NEDD1: variants seen among roughly 807,000 people sequenced by gnomAD.
NEDD1 encodes NEDD1 gamma-tubulin ring complex targeting factor, also known as protein NEDD1.
In NEDD1, 33 loss-of-function variants were observed where a neutral mutation model predicts 74.0. The ratio of observed to expected loss-of-function variants is 0.45; its 90% CI spans 0.34 to 0.60. The LOEUF (loss-of-function observed/expected upper bound fraction) is 0.60, where lower values mean the gene tolerates loss of function less well. NEDD1 is among the 20% of genes least tolerant of loss of function. NEDD1 has a pLI of 0.01. For synonymous variants in NEDD1, 250 were observed against 264.4 expected (o/e 0.95, Z 0.53); for missense variants, 746 against 776.5 (o/e 0.96, Z 0.47).
intron 11 of NEDD1, among the ~76,000 whole-genome samples, chr12:96,943,345 AT>A (rs1260393165): frequency 1.3e-5 from 2 of 152,158 alleles, no homozygotes; most frequent in Non-Finnish European, 2.9e-5. Context: ...GGATATCATC[AT>A]TTACATTTGT....
In NEDD1 at chr12:96,952,079, T is replaced by C. The variant is rs779533891; in HGVS notation, c.*26T>C. The C allele has an allele frequency of 7.9e-7, 1 of 1,263,566 alleles. No homozygotes were observed. Among genetic ancestry groups the C allele is most frequent in the Non-Finnish European group, 1.2e-6 (1 of 866,130 alleles). The allele number at this position is 1,263,566 out of a possible 1,614,324, so 78.3% of individuals were successfully genotyped here. A position where few individuals can be genotyped will look rare whatever the true frequency, so the allele number is the denominator to read the frequency against. On this transcript the variant is annotated 3_prime_UTR_variant, in exon 16 of 16. Transcript: ENST00000266742. ...AATTTCAGTGAATACCTTAATGTTC[T>C]GTAATTTGGGAAGTTTCTGGCAACA...
intron 14 of NEDD1, among the ~76,000 whole-genome samples, chr12:96,947,575 C>G (rs774343458): frequency 1.3e-5 from 2 of 152,158 alleles, no homozygotes; most frequent in Admixed American, 1.3e-4. Flanking sequence ...ATTTATTCAA[C>G]AAGCATTTGG....
chr12:96,945,160 A>G (rs1309186586), intron 13 of NEDD1, among the ~76,000 whole-genome samples: 1 of 152,060 alleles, frequency 6.6e-6, no homozygotes, highest in Non-Finnish European at 1.5e-5. Flanking sequence ...GCAGACCCAT[A>G]CAAACTTCAT....
intron 8 of NEDD1, 72 bp downstream of exon 8, chr12:96,936,884 G>A: frequency 1.1e-6 from 1 of 912,998 alleles, no homozygotes; most frequent in South Asian, 1.6e-5. Flanking sequence ...AATTATATGT[G>A]GTCAATTAAA....
chr12:96,938,908 C>T (rs984609309), intron 9 of NEDD1, among the ~76,000 whole-genome samples: 5 of 151,950 alleles, frequency 3.3e-5, no homozygotes, highest in Non-Finnish European at 7.4e-5. Context: ...CTGTCACTTC[C>T]GGCCAGGATG....
chr12:96,949,050 C>T (rs1878461985), intron 14 of NEDD1, among the ~76,000 whole-genome samples: 1 of 152,152 alleles, frequency 6.6e-6, no homozygotes, highest in Non-Finnish European at 1.5e-5. Flanking sequence ...CCTTGGCTAC[C>T]TTGGTAGGCC....
intron 4 of NEDD1, 102 bp downstream of exon 4, chr12:96,912,919 A>G (rs938335554): frequency 3.3e-6 from 2 of 610,428 alleles, no homozygotes; most frequent in African/African-American, 3.7e-5. Context: ...GGTTTTTAAA[A>G]GCATTATTTT....
In NEDD1 at chr12:96,952,082, A is replaced by G; in HGVS notation, c.*29A>G. ...TTCAGTGAATACCTTAATGTTCTGT[A>G]ATTTGGGAAGTTTCTGGCAACACAG... On this transcript the variant is annotated 3_prime_UTR_variant, in exon 16 of 16. Transcript: ENST00000266742. 8.1e-7 allele frequency: 1 copy of G among 1,238,920 alleles called. No homozygotes were observed. Among genetic ancestry groups the G allele is most frequent in the African/African-American group, 1.5e-5 (1 of 67,614 alleles). 76.7% of individuals were successfully genotyped at this position (1,238,920 alleles called of 1,614,324 possible). A position where few individuals can be genotyped will look rare whatever the true frequency, so the allele number is the denominator to read the frequency against.
At chr12:96,925,658 C>T (rs925992250) in intron 6 of NEDD1, among the ~76,000 whole-genome samples, 7 of 152,242 alleles carry the variant, frequency 4.6e-5, no homozygotes, top group Admixed American at 1.3e-4. Context: ...CTTCCTCACA[C>T]CAGTATCTTT....
chr12:96,921,155 C>T (rs1050810006), intron 6 of NEDD1, among the ~76,000 whole-genome samples: 1 of 152,062 alleles, frequency 6.6e-6, no homozygotes, highest in African/African-American at 2.4e-5. Flanking sequence ...TTGTTTCTAA[C>T]TTGTATTGGG....
chr12:96,953,217 A>G lies in NEDD1; in HGVS notation c.*1164A>G, dbSNP rs916848125. 1 of 151,262 alleles carries G rather than the reference A, an allele frequency of 6.6e-6. No individual in the cohort carries two copies. The highest frequency in any genetic ancestry group is 1.5e-5 in the Non-Finnish European group (1 of 67,572). 9.4% of individuals were successfully genotyped at this position (151,262 alleles called of 1,614,324 possible). A position where few individuals can be genotyped will look rare whatever the true frequency, so the allele number is the denominator to read the frequency against. ...AAAGTATTTACTAAAATTAAAAAAA[A>G]AAAAACAAAAAACAAACCTTTAGCT... is the stretch of plus-strand genomic sequence containing the variant. On this transcript the variant is annotated 3_prime_UTR_variant, in exon 16 of 16. Coordinates refer to ENST00000266742, the MANE Select transcript of NEDD1 (RefSeq NM_152905.4).
rs192280414 is a variant in NEDD1 at position 96,924,942 on chromosome 12, G to A, written c.489+4817G>A. On this transcript the variant is annotated intron_variant, in intron 6 of 15. Transcript: ENST00000266742. Reference sequence around the variant, plus strand: ...CTACCAAGCATGATAGTCATTGTAAGGTTTGTTTTGTAGATATCCTTTATC... The same window carrying A: ...CTACCAAGCATGATAGTCATTGTAAAGTTTGTTTTGTAGATATCCTTTATC... The A allele has an allele frequency of 1.4e-3, 605 of 423,116 alleles. 4 individuals are homozygous for A. The highest frequency in any genetic ancestry group is 0.011 in the African/African-American group (553 of 48,232). 26.2% of individuals were successfully genotyped at this position (423,116 alleles called of 1,614,324 possible).
intron 6 of NEDD1, among the ~76,000 whole-genome samples, chr12:96,922,534 A>G (rs890707958): frequency 2.0e-5 from 3 of 152,168 alleles, no homozygotes; most frequent in African/African-American, 4.8e-5. Context: ...GTATCTTGCT[A>G]GAGAGTTTTC....
intron 3 of NEDD1, among the ~76,000 whole-genome samples, chr12:96,912,196 C>T (rs1240251212): frequency 2.0e-5 from 3 of 151,608 alleles, no homozygotes; most frequent in Non-Finnish European, 4.4e-5. Flanking sequence ...CTGTAATAGT[C>T]ATTCTTAATT....
At chr12:96,907,909 A>G (rs1428671242) in intron 2 of NEDD1, 53 bp downstream of exon 2, 1 of 1,290,666 alleles carries the variant, frequency 7.7e-7, no homozygotes, top group African/African-American at 1.5e-5. Context: ...CCGAAAACAA[A>G]CATTAAATCA....
intron 5 of NEDD1, among the ~76,000 whole-genome samples, chr12:96,918,678 G>T (rs562895360): frequency 6.6e-6 from 1 of 152,078 alleles, no homozygotes; most frequent in Admixed American, 6.6e-5. Flanking sequence ...CTCTACAGTC[G>T]TCTCCCTGGT....
chr12:96,930,211 A>ACTCTCTCTCT (rs143562580), intron 6 of NEDD1, among the ~76,000 whole-genome samples: 8 of 89,280 alleles, frequency 9.0e-5, no homozygotes, highest in East Asian at 3.4e-4. Context: ...ACACACACAC[A>ACTCTCTCTCT]CTCTCTCTCT....
intron 5 of NEDD1, among the ~76,000 whole-genome samples, chr12:96,918,301 A>G (rs1874689640): frequency 6.6e-6 from 1 of 152,086 alleles, no homozygotes; most frequent in South Asian, 2.1e-4. Flanking sequence ...TCAGCACAAG[A>G]AAGTCTATGG....
chr12:96,920,090 T>C lies in NEDD1; in HGVS notation c.454T>C (p.Leu152=), dbSNP rs1239399089. The change falls in exon 6 of 16, where the codon TTA becomes CTA. Residue 152 remains leucine (L), a synonymous_variant. Coordinates refer to ENST00000266742, the MANE Select transcript of NEDD1 (RefSeq NM_152905.4). ...EIILHSVTTN[L]SSTPFGHGSN... ...TATTTTACACAGTGTAACCACTAATTTATCTAGTACTCCTTTTGGCCATGG... is the reference window on the plus strand; with the variant it reads ...TATTTTACACAGTGTAACCACTAATCTATCTAGTACTCCTTTTGGCCATGG... 6.2e-7 allele frequency: 1 copy of C among 1,606,004 alleles called. No individual in the cohort carries two copies. Among genetic ancestry groups the C allele is most frequent in the Admixed American group, 1.7e-5 (1 of 59,760 alleles).
Sources: allele counts gnomAD v4.1 joint callset (sites outside exome capture counted in the v4.1 genomes callset), GRCh38; gene constraint gnomAD v4.1.1; transcripts MANE v1.5; gene names NCBI Gene and HGNC (gene_info 2026-07-23, HGNC 2026-07-21).